PPP2R2B: variants seen among roughly 807,000 people sequenced by gnomAD.
PPP2R2B encodes protein phosphatase 2 regulatory subunit Bbeta.
In PPP2R2B, 5 loss-of-function variants were observed where a neutral mutation model predicts 46.0. That is an observed-to-expected ratio of 0.11 (90% confidence interval 0.06 to 0.23). PPP2R2B has a LOEUF of 0.23. Among genes scored for constraint, PPP2R2B ranks in the 10% least tolerant of loss-of-function variants. The pLI, the probability that PPP2R2B is intolerant of heterozygous loss-of-function variation, is 1.00. For missense variants in PPP2R2B, 367 were observed against 575.0 expected (o/e 0.64, Z 3.70); for synonymous variants, 215 against 206.7 (o/e 1.04, Z -0.34).
chr5:146,936,242 A>C (rs1764135409), intron 1 of PPP2R2B, among the ~76,000 whole-genome samples: 2 of 152,066 alleles, frequency 1.3e-5, no homozygotes, highest in African/African-American at 2.4e-5. Flanking sequence ...CAAGAAAGCA[A>C]AGATTTCCTG....
At chr5:146,743,050 G>C (rs961961560) in intron 2 of PPP2R2B, among the ~76,000 whole-genome samples, 1 of 152,186 alleles carries the variant, frequency 6.6e-6, no homozygotes, top group Non-Finnish European at 1.5e-5. Context: ...CTGTGAGACA[G>C]TACAGTTCTG....
intron 1 of PPP2R2B, among the ~76,000 whole-genome samples, chr5:147,037,618 T>A (rs1246328682): frequency 6.6e-6 from 1 of 152,114 alleles, no homozygotes; most frequent in African/African-American, 2.4e-5. Context: ...CTTTTGTGTA[T>A]CATGGGATAT....
chr5:146,641,860 T>G (rs1284423809), intron 6 of PPP2R2B, among the ~76,000 whole-genome samples: 1 of 152,190 alleles, frequency 6.6e-6, no homozygotes, highest in Non-Finnish European at 1.5e-5. Context: ...TTTATTTTTT[T>G]TAATCCTTTA....
At chr5:146,666,759 A>G (rs1457380255) in intron 5 of PPP2R2B, among the ~76,000 whole-genome samples, 3 of 152,204 alleles carry the variant, frequency 2.0e-5, no homozygotes, top group Admixed American at 6.5e-5. Context: ...CACTGAACAC[A>G]ATCTACCAGC....
chr5:146,636,142 A>C (rs1189630733), intron 7 of PPP2R2B, among the ~76,000 whole-genome samples: 1 of 152,142 alleles, frequency 6.6e-6, no homozygotes, highest in Admixed American at 6.5e-5. Context: ...ATCTTCCATA[A>C]AACACAATTT....
chr5:146,888,974 A>G (rs551099888), intron 1 of PPP2R2B, among the ~76,000 whole-genome samples: 131 of 152,276 alleles, frequency 8.6e-4, no homozygotes, highest in African/African-American at 3.0e-3. Flanking sequence ...TAGACTGTAT[A>G]TATTTATTTG....
chr5:146,819,709 G>T (rs1299936440), intron 2 of PPP2R2B, among the ~76,000 whole-genome samples: 1 of 152,030 alleles, frequency 6.6e-6, no homozygotes, highest in Non-Finnish European at 1.5e-5. Flanking sequence ...ATGCTAGGCA[G>T]ATTTGTCAAA....
In PPP2R2B at chr5:146,698,152, A is replaced by G. The variant is rs1236809914; in HGVS notation, c.169-8T>C. The G allele has an allele frequency of 6.3e-7, 1 of 1,575,926 alleles. No homozygotes were observed. The highest frequency in any genetic ancestry group is 1.2e-5 in the South Asian group (1 of 84,954). On this transcript the variant is annotated splice_polypyrimidine_tract_variant and splice_region_variant and intron_variant, in intron 3 of 9. Coordinates refer to ENST00000394411, the MANE Select transcript of PPP2R2B (RefSeq NM_181675.4). ...ATGAACCTGATTTTTACTCTGTAGG[A>G]AAGGAAAAAAATACACAACAGATTA...
chr5:146,949,423 T>A (rs1170348998), intron 1 of PPP2R2B, among the ~76,000 whole-genome samples: 1 of 152,044 alleles, frequency 6.6e-6, no homozygotes, highest in Non-Finnish European at 1.5e-5. Context: ...ATTGATCATC[T>A]GAGAAATGCA....
chr5:147,049,892 A>G (rs1756721832), intron 1 of PPP2R2B, among the ~76,000 whole-genome samples: 1 of 152,198 alleles, frequency 6.6e-6, no homozygotes, highest in Middle Eastern at 3.2e-3. Flanking sequence ...GACACTTTCA[A>G]GGCATTTTTC....
intron 1 of PPP2R2B, among the ~76,000 whole-genome samples, chr5:146,913,166 G>A (rs975510049): frequency 1.3e-5 from 2 of 152,210 alleles, no homozygotes; most frequent in African/African-American, 4.8e-5. Flanking sequence ...TATTTCCTGT[G>A]ATTTTAGAAG....
chr5:146,880,650 T>C (rs900910188), upstream of PPP2R2B, among the ~76,000 whole-genome samples: 18 of 152,214 alleles, frequency 1.2e-4, no homozygotes, highest in Middle Eastern at 3.2e-3. Flanking sequence ...AAGGGCTAGA[T>C]TGGGACAGAG....
At chr5:146,729,689 C>T (rs746509011) in intron 2 of PPP2R2B, among the ~76,000 whole-genome samples, 19 of 152,262 alleles carry the variant, frequency 1.2e-4, no homozygotes, top group East Asian at 5.8e-4. Flanking sequence ...CTTGGGCCTG[C>T]GGTTTCAGAA....
exon 1 of PPP2R2B, chr5:147,055,846 AG>A: frequency 1.3e-6 from 2 of 1,493,550 alleles, no homozygotes; most frequent in Non-Finnish European, 1.8e-6. Flanking sequence ...ATGTTTATGT[AG>A]GTTCTTTCCC....
At chr5:146,983,472 A>G (rs184268550) in intron 1 of PPP2R2B, among the ~76,000 whole-genome samples, 66 of 152,026 alleles carry the variant, frequency 4.3e-4, no homozygotes, top group East Asian at 5.8e-4. Context: ...GAGCCACTGC[A>G]CCCGGCCCAG....
intron 2 of PPP2R2B, among the ~76,000 whole-genome samples, chr5:146,798,880 T>A (rs1756696118): frequency 6.6e-6 from 1 of 152,218 alleles, no homozygotes; most frequent in South Asian, 2.1e-4. Context: ...CAGAATTTGC[T>A]ATCTTAGCCA....
Position 147,042,319 on chromosome 5 carries a change from G to A in PPP2R2B, c.79+13346C>T, listed in dbSNP as rs182200826. Among the ~76,000 whole-genome samples, 8 of 152,078 alleles carry A rather than the reference G, an allele frequency of 5.3e-5. No individual in the cohort carries two copies. The East Asian group carries it at 7.8e-4, about 15-fold the overall frequency. Reference sequence around the variant, plus strand: ...GAGCATTAGCCGTCTCTTGGCTGCCGGCTAAACAAGCGGACTCAATTCGTT... The same window carrying A: ...GAGCATTAGCCGTCTCTTGGCTGCCAGCTAAACAAGCGGACTCAATTCGTT... On this transcript the variant is annotated intron_variant, in intron 1 of 8. Transcript: ENST00000336640.
At chr5:147,054,805 T>A (rs1054190403) in intron 1 of PPP2R2B, 1 of 401,706 alleles carries the variant, frequency 2.5e-6, no homozygotes. Flanking sequence ...GGACAATCCT[T>A]AAGCCTGAAA....
intron 2 of PPP2R2B, among the ~76,000 whole-genome samples, chr5:146,812,271 T>G (rs1757597911): frequency 6.6e-6 from 1 of 151,230 alleles, no homozygotes; most frequent in Non-Finnish European, 1.5e-5. Context: ...ACTATACACA[T>G]GGATGGTATC....
Sources: gnomAD v4.1 joint callset for allele counts (sites outside exome capture counted in the v4.1 genomes callset) on GRCh38, gnomAD v4.1.1 for gene constraint, MANE v1.5 for transcripts, NCBI Gene and HGNC (gene_info 2026-07-23, HGNC 2026-07-21) for gene names.